FRMD4A: variants seen among roughly 807,000 people sequenced by gnomAD.
FRMD4A encodes FERM domain-containing protein 4A.
FRMD4A carries 29 observed loss-of-function variants against 129.1 expected under a neutral mutation model. The ratio of observed to expected loss-of-function variants is 0.22; its 90% CI spans 0.17 to 0.31. FRMD4A has a LOEUF of 0.31. Ranked by LOEUF, FRMD4A falls within the 10% of genes least tolerant of loss-of-function variation. The pLI, the probability that FRMD4A is intolerant of heterozygous loss-of-function variation, is 1.00. For synonymous variants in FRMD4A, 634 were observed against 571.6 expected (o/e 1.11, Z -1.56); for missense variants, 1,272 against 1,375.8 (o/e 0.92, Z 1.19).
intron 2 of FRMD4A, among the ~76,000 whole-genome samples, chr10:14,303,990 T>C (rs1261440544): frequency 6.6e-6 from 1 of 152,226 alleles, no homozygotes; most frequent in Non-Finnish European, 1.5e-5. Flanking sequence ...GGTTGAATAA[T>C]ATTCCATTTT....
At chr10:14,098,567 C>A (rs1411331589) in intron 2 of FRMD4A, among the ~76,000 whole-genome samples, 1 of 152,132 alleles carries the variant, frequency 6.6e-6, no homozygotes, top group African/African-American at 2.4e-5. Flanking sequence ...GCATGCCCGG[C>A]TAATTTTTTG....
intron 2 of FRMD4A, among the ~76,000 whole-genome samples, chr10:13,976,995 T>C (rs906700411): frequency 2.6e-5 from 4 of 152,306 alleles, no homozygotes; most frequent in African/African-American, 9.6e-5. Flanking sequence ...AGGCCTAATA[T>C]CAAGAAACTT....
In FRMD4A at chr10:13,655,354, AAACGTTGGTTCTTTATCT is replaced by A. The variant is rs1229111355; in HGVS notation, c.2954-860_2954-843del. On this transcript the variant is annotated intron_variant, in intron 22 of 24. Coordinates refer to ENST00000357447, the MANE Select transcript of FRMD4A (RefSeq NM_018027.5). ...CTCCTGTTTGTTGGAGATATTTACAAAACGTTGGTTCTTTATCTAATAGGGTCACAGAATGATCATACT... is the reference window on the plus strand; with the variant it reads ...CTCCTGTTTGTTGGAGATATTTACAAAATAGGGTCACAGAATGATCATACT... The A allele has an allele frequency of 2.0e-5, 3 of 152,172 alleles. No homozygotes were observed. In the East Asian group the frequency reaches 5.8e-4, roughly 29 times the overall value. 9.4% of individuals were successfully genotyped at this position (152,172 alleles called of 1,614,324 possible).
At chr10:14,277,105 T>C (rs1218360) in intron 2 of FRMD4A, among the ~76,000 whole-genome samples, 14,632 of 152,172 alleles carry the variant, frequency 0.096, 1,718 homozygotes, top group African/African-American at 0.28. Context: ...ATTTGAGCAA[T>C]CCTCCTCCAT....
chr10:13,879,750 C>CCCCTCA (rs2094526323), intron 2 of FRMD4A, among the ~76,000 whole-genome samples: 2 of 127,666 alleles, frequency 1.6e-5, no homozygotes, highest in South Asian at 6.7e-4. Context: ...TCCCTTCTCC[C>CCCCTCA]CCCTCCCCCT....
chr10:13,730,783 G>GT (rs1329011227), intron 12 of FRMD4A, among the ~76,000 whole-genome samples: 1 of 150,720 alleles, frequency 6.6e-6, no homozygotes, highest in Non-Finnish European at 1.5e-5. Context: ...GGAGGCTGAG[G>GT]TGGGTGGATC....
At chr10:13,791,133 A>T (rs1008912164) in intron 5 of FRMD4A, among the ~76,000 whole-genome samples, 1 of 152,214 alleles carries the variant, frequency 6.6e-6, no homozygotes, top group Non-Finnish European at 1.5e-5. Flanking sequence ...ATAAAGAAGT[A>T]GGACTAGGAG....
rs868159170 is a variant in FRMD4A at position 13,654,704 on chromosome 10, C to A, written c.2954-192G>T. Reference sequence around the variant, plus strand: ...ACAGTGGGCAACCATCTCTACATGCCCCCCCAACCTCTGCATCCCACCCAT... The same window carrying A: ...ACAGTGGGCAACCATCTCTACATGCACCCCCAACCTCTGCATCCCACCCAT... On this transcript the variant is annotated intron_variant, in intron 22 of 24. Coordinates refer to ENST00000357447, the MANE Select transcript of FRMD4A (RefSeq NM_018027.5). 7 of 584,426 alleles carry A rather than the reference C, an allele frequency of 1.2e-5. No homozygotes were observed. In the Middle Eastern group the frequency reaches 1.8e-3, roughly 150 times the overall value. The allele number at this position is 584,426 out of a possible 1,614,324, so 36.2% of individuals were successfully genotyped here.
intron 2 of FRMD4A, among the ~76,000 whole-genome samples, chr10:14,297,280 A>T (rs1421745652): frequency 6.6e-6 from 1 of 152,168 alleles, no homozygotes; most frequent in East Asian, 1.9e-4. Flanking sequence ...CATTACAGAC[A>T]AACAAGGGGG....
intron 2 of FRMD4A, among the ~76,000 whole-genome samples, chr10:13,910,628 A>G (rs891946752): frequency 1.3e-5 from 2 of 152,254 alleles, no homozygotes; most frequent in Admixed American, 6.5e-5. Context: ...TCTTTTGCTA[A>G]ATGTATGCTG....
chr10:14,260,494 T>G (rs1844764061), intron 2 of FRMD4A, among the ~76,000 whole-genome samples: 1 of 152,188 alleles, frequency 6.6e-6, no homozygotes, highest in African/African-American at 2.4e-5. Context: ...CAAAGGCATA[T>G]AAGTCATCCT....
intron 3 of FRMD4A, among the ~76,000 whole-genome samples, chr10:13,844,663 A>G (rs2094017019): frequency 6.6e-6 from 1 of 152,254 alleles, no homozygotes; most frequent in South Asian, 2.1e-4. Flanking sequence ...CCTAAAAGAA[A>G]GAAATTCTTG....
At chr10:14,069,248 G>A (rs1029875796) in intron 2 of FRMD4A, among the ~76,000 whole-genome samples, 3 of 152,152 alleles carry the variant, frequency 2.0e-5, no homozygotes, top group African/African-American at 7.2e-5. Flanking sequence ...CTATGTTATT[G>A]AACTGCCATA....
intron 2 of FRMD4A, among the ~76,000 whole-genome samples, chr10:13,934,811 A>G (rs2131295081): frequency 6.6e-6 from 1 of 152,366 alleles, no homozygotes; most frequent in African/African-American, 2.4e-5. Flanking sequence ...CATGTGTTGC[A>G]GTCCCTTGGG....
chr10:13,700,279 C>CCG (rs368358189), intron 14 of FRMD4A, among the ~76,000 whole-genome samples: 2,613 of 145,630 alleles, frequency 0.018, 43 homozygotes, highest in Non-Finnish European at 0.027. Flanking sequence ...ATCACCTCCC[C>CCG]CTTGACCCCC....
chr10:13,972,843 G>A (rs762460581), intron 2 of FRMD4A, among the ~76,000 whole-genome samples: 2 of 152,220 alleles, frequency 1.3e-5, no homozygotes, highest in African/African-American at 2.4e-5. Flanking sequence ...AATCTTTAAT[G>A]TCATTTTGAT....
intron 3 of FRMD4A, among the ~76,000 whole-genome samples, chr10:13,851,429 G>A (rs887442084): frequency 2.0e-5 from 3 of 152,172 alleles, no homozygotes; most frequent in African/African-American, 7.2e-5. Context: ...TAGGAATGGG[G>A]CTGCACAGCA....
intron 2 of FRMD4A, among the ~76,000 whole-genome samples, chr10:13,925,146 G>A (rs2131268987): frequency 6.6e-6 from 1 of 151,958 alleles, no homozygotes; most frequent in East Asian, 1.9e-4. Context: ...AATTGTGGTG[G>A]CACAATGGGC....
At chr10:13,764,474 C>A (rs565693799) in intron 6 of FRMD4A, among the ~76,000 whole-genome samples, 1 of 151,410 alleles carries the variant, frequency 6.6e-6, no homozygotes, top group African/African-American at 2.4e-5. Context: ...CCACTACACT[C>A]CAGCCTGGTG....
Sources: gnomAD v4.1 joint callset for allele counts (sites outside exome capture counted in the v4.1 genomes callset) on GRCh38, gnomAD v4.1.1 for gene constraint, MANE v1.5 for transcripts, NCBI Gene and HGNC (gene_info 2026-07-23, HGNC 2026-07-21) for gene names.